ATP7B: variants seen among roughly 807,000 people sequenced by gnomAD.
ATP7B encodes ATPase copper transporting beta.
Under a neutral mutation model 118.9 loss-of-function variants are expected in ATP7B, and 113 were observed. The observed-to-expected ratio is 0.95, with a 90% CI of 0.82 to 1.11. The LOEUF (loss-of-function observed/expected upper bound fraction) is 1.11, where lower values mean the gene tolerates loss of function less well. Ranked by LOEUF, ATP7B falls within the 50% of genes most tolerant of loss-of-function variation. ATP7B has a pLI of 0.00. For missense variants in ATP7B, 1,867 were observed against 1,871.4 expected (o/e 1.00, Z 0.04); for synonymous variants, 777 against 727.4 (o/e 1.07, Z -1.10).
At chr13:51,971,366 A>C (rs1951834168) in intron 2 of ATP7B, among the ~76,000 whole-genome samples, 1 of 152,238 alleles carries the variant, frequency 6.6e-6, no homozygotes, top group South Asian at 2.1e-4. Flanking sequence ...TAGATGTCCT[A>C]TATTTTTATT....
chr13:51,958,574 G>A (rs1490046399), intron 7 of ATP7B, 30 bp from the exon 8 acceptor site: 12 of 1,597,280 alleles, frequency 7.5e-6, no homozygotes, highest in South Asian at 1.1e-5. Context: ...AAGGCTGCCA[G>A]CAAGTAGGGA....
intron 4 of ATP7B, among the ~76,000 whole-genome samples, chr13:51,967,670 T>C (rs990758399): frequency 1.3e-5 from 2 of 152,132 alleles, no homozygotes; most frequent in African/African-American, 4.8e-5. Context: ...CCCTCAAACA[T>C]CCAGTTACCA....
intron 1 of ATP7B, among the ~76,000 whole-genome samples, chr13:51,983,923 A>G (rs563946136): frequency 5.3e-5 from 8 of 152,328 alleles, no homozygotes; most frequent in Admixed American, 2.6e-4. Flanking sequence ...AACATCAAAA[A>G]GCAAAGGTAG....
chr13:52,002,396 T>TA (rs111933118), intron 1 of ATP7B, among the ~76,000 whole-genome samples: 3,144 of 139,522 alleles, frequency 0.023, 85 homozygotes, highest in Admixed American at 0.082. Flanking sequence ...ACCGTGTCTC[T>TA]AAAAAAAAAA....
At chr13:51,951,414 G>A (rs1957997802) in intron 9 of ATP7B, among the ~76,000 whole-genome samples, 1 of 152,130 alleles carries the variant, frequency 6.6e-6, no homozygotes, top group East Asian at 1.9e-4. Context: ...ATTTTGACAT[G>A]TCGGGTTTGA....
chr13:52,003,203 AG>A (rs1953598889), intron 1 of ATP7B, among the ~76,000 whole-genome samples: 1 of 152,220 alleles, frequency 6.6e-6, no homozygotes, highest in Non-Finnish European at 1.5e-5. Flanking sequence ...GCTTTTGACA[AG>A]CCTTCCTCAC....
intron 13 of ATP7B, 148 bp from the exon 14 acceptor site, chr13:51,944,439 T>C: frequency 9.6e-7 from 1 of 1,047,028 alleles, no homozygotes; most frequent in South Asian, 1.4e-5. Context: ...TGTCGTTCAA[T>C]CTCAGGGTTC....
chr13:51,959,954 TG>T (rs1255716222), intron 7 of ATP7B, 193 bp downstream of exon 7: 36 of 669,916 alleles, frequency 5.4e-5, no homozygotes, highest in Middle Eastern at 4.1e-4. Context: ...TCCCCCACAC[TG>T]GGGGGGCCCC....
chr13:52,012,022 G>A (rs1181733555), upstream of ATP7B: 2 of 374,210 alleles, frequency 5.3e-6, no homozygotes, highest in African/African-American at 2.1e-5. Flanking sequence ...CTCCGCACCT[G>A]GAAAATCGAT....
intron 1 of ATP7B, among the ~76,000 whole-genome samples, chr13:51,982,471 AG>A (rs1218890508): frequency 6.6e-6 from 1 of 152,174 alleles, no homozygotes; most frequent in Non-Finnish European, 1.5e-5. Flanking sequence ...TGATCTTTGG[AG>A]GAAAAAACTC....
intron 1 of ATP7B, among the ~76,000 whole-genome samples, chr13:51,983,594 G>A (rs369455482): frequency 1.6e-4 from 24 of 152,252 alleles, no homozygotes; most frequent in African/African-American, 5.1e-4. Flanking sequence ...AAGTGGGTCC[G>A]TGACCCCTGT....
Position 51,941,170 on chromosome 13 carries a change from C to T in ATP7B, c.3467G>A (p.Arg1156His), listed in dbSNP as rs773917820. The T allele has an allele frequency of 1.7e-5, 28 of 1,613,964 alleles. No individual in the cohort carries two copies. The highest frequency in any genetic ancestry group is 1.1e-4 in the East Asian group (5 of 44,892). The change falls in exon 16 of 21, where the codon CGC (arginine) becomes CAC (histidine). Residue 1156 changes from arginine (R) to histidine (H), a missense_variant. Coordinates refer to ENST00000242839, the MANE Select transcript of ATP7B (RefSeq NM_000053.4). Reference sequence around the variant, plus strand: ...ATCGCTAGAAATGGTTAAACCGTTGCGCCTCAGCCACTCACGGTTTCCAAT... The same window carrying T: ...ATCGCTAGAAATGGTTAAACCGTTGTGCCTCAGCCACTCACGGTTTCCAAT... ...VLIGNREWLRRNGLTISSDVS... is the reference protein window; with the variant it reads ...VLIGNREWLRHNGLTISSDVS...
At chr13:51,975,428 T>C (rs1952062915) in intron 1 of ATP7B, 1 of 640,106 alleles carries the variant, frequency 1.6e-6, no homozygotes, top group Non-Finnish European at 2.9e-6. Flanking sequence ...ACGTGGAGGA[T>C]TCTGAGGGAA....
chr13:51,976,931 T>C (rs927455424), intron 1 of ATP7B, among the ~76,000 whole-genome samples: 2 of 152,206 alleles, frequency 1.3e-5, no homozygotes, highest in Non-Finnish European at 1.5e-5. Context: ...CTTAGGACAC[T>C]GCACTACTGT....
intron 4 of ATP7B, 131 bp downstream of exon 4, chr13:51,968,309 GAAAC>G: frequency 7.3e-7 from 1 of 1,362,650 alleles, no homozygotes; most frequent in South Asian, 1.2e-5. Context: ...AAAGGAAAGT[GAAAC>G]AAACAAAATA....
chr13:51,964,177 A>G (rs894033909), intron 5 of ATP7B, among the ~76,000 whole-genome samples: 1 of 152,132 alleles, frequency 6.6e-6, no homozygotes, highest in Non-Finnish European at 1.5e-5. Flanking sequence ...TAAGCCTGCT[A>G]TAAGAGGCTT....
rs193922105 is a variant in ATP7B at position 51,946,290 on chromosome 13, C to A, written c.3054G>T (p.Ala1018=). 1.3e-6 allele frequency: 2 copies of A among 1,583,644 alleles called. No homozygotes were observed. Among genetic ancestry groups the A allele is most frequent in the Admixed American group, 1.8e-5 (1 of 55,232 alleles). ...AGCCGTGCTACAGGCTGACCTTGTG[C>A]GCCATCTCCAGGGGCTTGCCTCCCT... ...LIKGGKPLEM[A]HKIKTVMFDK... The change falls in exon 13 of 21, where the codon GCG becomes GCT. Residue 1018 remains alanine, a synonymous_variant. Transcript: ENST00000242839.
rs1160679283 is a variant in ATP7B, at chr13:51,935,660, A to G, written c.4057T>C (p.Trp1353Arg). The change falls in exon 20 of 21, where the codon TGG (tryptophan) becomes CGG (arginine). Residue 1353 changes from tryptophan to arginine, a missense_variant. Trp to Arg is a moderately radical substitution (Grantham distance 101). Coordinates refer to ENST00000242839, the MANE Select transcript of ATP7B (RefSeq NM_000053.4). Reference protein sequence around the residue: ...FMPIGIVLQPWMGSAAMAASS... With the variant: ...FMPIGIVLQPRMGSAAMAASS... ...GCTGCCATGGCCGCTGAGCCCATCC[A>G]GGGCTGCAGCACAATGCCGATGGGC... 2 of 1,613,650 alleles carry G rather than the reference A, an allele frequency of 1.2e-6. No individual in the cohort carries two copies. Among genetic ancestry groups the G allele is most frequent in the Non-Finnish European group, 1.7e-6 (2 of 1,179,874 alleles).
chr13:51,950,456 T>A, intron 9 of ATP7B, 57 bp from the exon 10 acceptor site: 1 of 1,610,006 alleles, frequency 6.2e-7, no homozygotes, highest in Non-Finnish European at 8.5e-7. Flanking sequence ...CCGGGTCAGG[T>A]TCTAGGCCAG....
Sources: gnomAD v4.1 joint callset for allele counts (sites outside exome capture counted in the v4.1 genomes callset) on GRCh38, gnomAD v4.1.1 for gene constraint, MANE v1.5 for transcripts, NCBI Gene and HGNC (gene_info 2026-07-23, HGNC 2026-07-21) for gene names.